KAZN: variants seen among roughly 807,000 people sequenced by gnomAD.
KAZN encodes the protein kazrin.
KAZN carries 40 observed loss-of-function variants against 87.4 expected under a neutral mutation model. The ratio of observed to expected loss-of-function variants is 0.46; its 90% confidence interval spans 0.36 to 0.60. The LOEUF is 0.60. KAZN is among the 20% of genes least tolerant of loss of function. KAZN has a pLI of 0.00. For missense variants in KAZN, 898 were observed against 1,073.9 expected, an observed-to-expected ratio of 0.84 and a Z score of 2.29; for synonymous variants, 466 against 458.3, an observed-to-expected ratio of 1.02 and a Z score of -0.22.
At chr1:13,893,139 G>C (rs1324221683) in exon 1 of KAZN, 1 of 152,160 alleles carries the variant, frequency 6.6e-6, no homozygotes, top group Admixed American at 6.6e-5. Flanking sequence ...GCAGGCAGCG[G>C]GGCGGCGCCA....
At chr1:14,441,348 T>C (rs948318523) in intron 2 of KAZN, among the ~76,000 whole-genome samples, 1 of 152,040 alleles carries the variant, frequency 6.6e-6, no homozygotes, top group Non-Finnish European at 1.5e-5. Context: ...GACTTCCCAG[T>C]ATGTTGTTCC....
intron 6 of KAZN, 165 bp from the exon 7 acceptor site, chr1:15,063,407 G>T (rs1170165031): frequency 9.2e-6 from 6 of 652,122 alleles, no homozygotes; most frequent in Non-Finnish European, 1.4e-5. Context: ...GCCATCTGGG[G>T]GTATCTGCTT....
intron 2 of KAZN, among the ~76,000 whole-genome samples, chr1:14,311,487 T>G (rs1315380653): frequency 1.3e-5 from 2 of 152,072 alleles, no homozygotes; most frequent in African/African-American, 4.8e-5. Flanking sequence ...GCTATAGAGA[T>G]TTAGAGAAGA....
intron 1 of KAZN, among the ~76,000 whole-genome samples, chr1:14,020,701 G>A (rs1395003301): frequency 6.6e-6 from 1 of 152,176 alleles, no homozygotes; most frequent in Non-Finnish European, 1.5e-5. Flanking sequence ...TAAGATTTTA[G>A]TTTTAACTAA....
chr1:14,341,564 C>T (rs1255192896), intron 2 of KAZN, among the ~76,000 whole-genome samples: 1 of 152,194 alleles, frequency 6.6e-6, no homozygotes, highest in African/African-American at 2.4e-5. Context: ...GTTGCTTCTG[C>T]CTCAGGACTT....
At chr1:14,840,169 T>G (rs1483537143) in intron 1 of KAZN, among the ~76,000 whole-genome samples, 2 of 152,226 alleles carry the variant, frequency 1.3e-5, no homozygotes, top group African/African-American at 2.4e-5. Context: ...AGGAGAGGTC[T>G]TGCACGGTGA....
At chr1:13,968,735 T>C (rs928175933) in intron 1 of KAZN, among the ~76,000 whole-genome samples, 1 of 152,236 alleles carries the variant, frequency 6.6e-6, no homozygotes, top group Non-Finnish European at 1.5e-5. Context: ...TCTGTTTTGT[T>C]TTCTTTTTTC....
intron 1 of KAZN, among the ~76,000 whole-genome samples, chr1:13,982,188 A>G (rs926840027): frequency 5.3e-5 from 8 of 152,178 alleles, no homozygotes; most frequent in African/African-American, 1.9e-4. Context: ...CGGATCATGG[A>G]CGTGTTTTCC....
chr1:14,153,600 C>A (rs1033125996), intron 1 of KAZN, among the ~76,000 whole-genome samples: 2 of 150,150 alleles, frequency 1.3e-5, no homozygotes, highest in Non-Finnish European at 2.9e-5. Context: ...CATGGAGAAA[C>A]CCTGTCTCTA....
At chr1:14,431,834 C>T (rs1323478768) in intron 2 of KAZN, among the ~76,000 whole-genome samples, 2 of 152,168 alleles carry the variant, frequency 1.3e-5, no homozygotes, top group Non-Finnish European at 2.9e-5. Context: ...CTGTTGTCTT[C>T]CCTGGTTTTG....
intron 1 of KAZN, among the ~76,000 whole-genome samples, chr1:14,728,090 A>T (rs920157181): frequency 2.6e-5 from 4 of 151,766 alleles, no homozygotes; most frequent in Non-Finnish European, 5.9e-5. Context: ...GTTCGAGACC[A>T]GCCTGGCCAA....
At chr1:14,058,375 G>A (rs527562364) in intron 1 of KAZN, among the ~76,000 whole-genome samples, 144 of 152,260 alleles carry the variant, frequency 9.5e-4, no homozygotes, top group Non-Finnish European at 1.7e-3. Flanking sequence ...GAAGACACAT[G>A]GCTGCTTCCA....
At chr1:13,949,683 T>C (rs1437612520) in intron 1 of KAZN, among the ~76,000 whole-genome samples, 1 of 152,164 alleles carries the variant, frequency 6.6e-6, no homozygotes, top group Non-Finnish European at 1.5e-5. Flanking sequence ...CTATTATCCA[T>C]ATGAATATAC....
intron 2 of KAZN, among the ~76,000 whole-genome samples, chr1:14,514,529 A>ATATATATTTTATATATAATAT (rs1557770225): frequency 5.8e-5 from 1 of 17,178 alleles, no homozygotes. Flanking sequence ...TATATATTTT[A>ATATATATTTTATATATAATAT]GATATATTTT....
At chr1:14,164,239 G>A (rs1645771179) in intron 1 of KAZN, among the ~76,000 whole-genome samples, 1 of 152,174 alleles carries the variant, frequency 6.6e-6, no homozygotes. Flanking sequence ...TTTCTCAGGT[G>A]ATTACAGTCA....
At chr1:15,037,560 G>C (rs370557669) in intron 3 of KAZN, among the ~76,000 whole-genome samples, 9 of 152,112 alleles carry the variant, frequency 5.9e-5, no homozygotes, top group African/African-American at 2.2e-4. Context: ...GAAAGCAAGG[G>C]GGGTAGGGGC....
In KAZN at chr1:15,099,713, A is replaced by AG. The variant is rs1484833779; in HGVS notation, c.1548-1826dup. 6.6e-6 allele frequency among the ~76,000 whole-genome samples: 1 copy of AG among 152,164 alleles called. No individual in the cohort carries two copies. Among genetic ancestry groups the AG allele is most frequent in the African/African-American group, 2.4e-5 (1 of 41,424 alleles). ...AAAGAGAAGCCACAGAGTGTTGAGC[A>AG]GGGGAGTGCACGGTCACACTGACAT... is the stretch of plus-strand genomic sequence containing the variant. On this transcript the variant is annotated intron_variant, in intron 10 of 14. Coordinates refer to ENST00000376030, the MANE Select transcript of KAZN (RefSeq NM_201628.3). This position sits in a 1 kb window ranked among gnomAD's most constrained non-coding sequence, Gnocchi z 5.4.
At chr1:14,806,675 GCAGAATCTAA>G (rs1010137759) in intron 1 of KAZN, among the ~76,000 whole-genome samples, 6 of 152,140 alleles carry the variant, frequency 3.9e-5, no homozygotes, top group African/African-American at 1.4e-4. Flanking sequence ...ATTGATCTGT[GCAGAATCTAA>G]CACACTCCCA....
intron 2 of KAZN, among the ~76,000 whole-genome samples, chr1:14,245,716 G>C (rs999093048): frequency 1.3e-5 from 2 of 152,204 alleles, no homozygotes; most frequent in Non-Finnish European, 2.9e-5. Context: ...CACCAGCTGT[G>C]TTCCTGTTTC....
Sources: gnomAD v4.1 joint callset for allele counts (sites outside exome capture counted in the v4.1 genomes callset) on GRCh38, gnomAD v4.1.1 for gene constraint, Gnocchi (gnomAD v3.1) non-coding constraint, MANE v1.5 for transcripts, NCBI Gene and HGNC (gene_info 2026-07-23, HGNC 2026-07-21) for gene names.